The following GPM6A variants were observed in gnomAD, a reference collection of about 807,000 sequenced individuals.
GPM6A encodes glycoprotein M6A.
Under a neutral mutation model 32.1 loss-of-function variants are expected in GPM6A, and 7 were observed. The ratio of observed to expected loss-of-function variants is 0.22; its 90% confidence interval spans 0.12 to 0.41. The LOEUF (loss-of-function observed/expected upper bound fraction) is 0.41. Among genes scored for constraint, GPM6A ranks in the 10% least tolerant of loss-of-function variants. GPM6A has a pLI of 1.00. For missense variants in GPM6A, 235 were observed against 347.2 expected, an observed-to-expected ratio of 0.68 and a Z score of 2.57; for synonymous variants, 130 against 123.4, an observed-to-expected ratio of 1.05 and a Z score of -0.35.
chr4:175,738,614 A>T (rs1187817481), intron 1 of GPM6A, among the ~76,000 whole-genome samples: 2 of 152,142 alleles, frequency 1.3e-5, no homozygotes, highest in Non-Finnish European at 2.9e-5. Flanking sequence ...GGAAAAATAG[A>T]GGGCTCAGAA....
intron 1 of GPM6A, among the ~76,000 whole-genome samples, chr4:175,780,046 C>CA (rs1733555892): frequency 6.9e-6 from 1 of 143,984 alleles, no homozygotes; most frequent in South Asian, 2.2e-4. Flanking sequence ...CATGTGTTAA[C>CA]TTTTTTTTTT....
At position 175,952,712 on chromosome 4, in the gene GPM6A, C is replaced by A. The variant is rs182317512; in HGVS notation, c.-23+49597G>T. Among the ~76,000 whole-genome samples the A allele has an allele frequency of 2.0e-4, 30 of 152,182 alleles. No individual in the cohort carries two copies. The East Asian group carries it at 5.8e-3, about 29-fold the overall frequency. The stretch of plus-strand genomic sequence containing the variant: ...AATAGATAATGAGCCATCCTGTCCA[C>A]CAATGAGTCCAGTCCTGGTGTATTA... On this transcript the variant is annotated intron_variant, in intron 1 of 7. Transcript: ENST00000280187.
At chr4:175,800,844 A>G (rs1734444945) in intron 1 of GPM6A, 2 of 197,708 alleles carry the variant, frequency 1.0e-5, no homozygotes, top group Admixed American at 9.1e-5. Flanking sequence ...TGGCATTCCC[A>G]GCTTGCAGGC....
intron 3 of GPM6A, among the ~76,000 whole-genome samples, chr4:175,665,441 T>C (rs1328834235): frequency 3.9e-5 from 6 of 152,156 alleles, no homozygotes; most frequent in African/African-American, 1.2e-4. Flanking sequence ...ATTTTATTTT[T>C]TCAATTGAAA....
chr4:175,711,638 A>G (rs2111092205), intron 1 of GPM6A, among the ~76,000 whole-genome samples: 1 of 148,342 alleles, frequency 6.7e-6, no homozygotes, highest in South Asian at 2.1e-4. Context: ...GCCAAGTTAA[A>G]AGGGCTCCCC....
chr4:175,659,779 T>C (rs1417095388), intron 3 of GPM6A, among the ~76,000 whole-genome samples: 1 of 152,198 alleles, frequency 6.6e-6, no homozygotes, highest in African/African-American at 2.4e-5. Context: ...TTACTGCTTA[T>C]CTCTAAGGCT....
intron 1 of GPM6A, among the ~76,000 whole-genome samples, chr4:175,905,452 C>T (rs1430709756): frequency 2.6e-5 from 4 of 152,014 alleles, no homozygotes; most frequent in Admixed American, 2.6e-4. Context: ...GACAATTCTT[C>T]TTCTTCCACT....
chr4:175,922,223 C>T lies in GPM6A; in HGVS notation c.-23+80086G>A, dbSNP rs112818394. Among the ~76,000 whole-genome samples the T allele has an allele frequency of 7.2e-3, 1,103 of 152,302 alleles. 5 individuals carry two copies. Among genetic ancestry groups the T allele is most frequent in the Non-Finnish European group, 0.012 (846 of 68,018 alleles). ...TTAGACCCTCAATTCATGTTAGCTTCCTCTCCAAGCTAAAGCAGTGTTTAG... is the reference window on the plus strand; with the variant it reads ...TTAGACCCTCAATTCATGTTAGCTTTCTCTCCAAGCTAAAGCAGTGTTTAG... On this transcript the variant is annotated intron_variant, in intron 1 of 7. Transcript: ENST00000280187.
At chr4:175,815,849 C>T (rs530650410), upstream of GPM6A, among the ~76,000 whole-genome samples, 8 of 151,388 alleles carry the variant, frequency 5.3e-5, no homozygotes, top group Admixed American at 3.3e-4. Context: ...TCCCAAGTAT[C>T]GAGGATTACA....
chr4:175,740,929 G>A (rs1731863798), intron 1 of GPM6A, among the ~76,000 whole-genome samples: 1 of 151,992 alleles, frequency 6.6e-6, no homozygotes, highest in African/African-American at 2.4e-5. Flanking sequence ...AGATCCGGCT[G>A]CTAACTTTAT....
intron 1 of GPM6A, among the ~76,000 whole-genome samples, chr4:175,849,583 G>A (rs760164097): frequency 3.3e-5 from 5 of 151,994 alleles, no homozygotes; most frequent in East Asian, 3.9e-4. Flanking sequence ...ACATGGAAAC[G>A]GTTTCATTGA....
At position 175,868,062 on chromosome 4, in the gene GPM6A, C is replaced by T. The variant is rs540993962; in HGVS notation, c.-22-55813G>A. ...TGAATATTGTGCCTTGTCCCCGTGACTCGGTTTCTCTCGAGCTTTTGGTCC... is the reference window on the plus strand; with the variant it reads ...TGAATATTGTGCCTTGTCCCCGTGATTCGGTTTCTCTCGAGCTTTTGGTCC... On this transcript the variant is annotated intron_variant, in intron 1 of 7. Coordinates refer to the GPM6A transcript ENST00000280187. 9.9e-4 allele frequency among the ~76,000 whole-genome samples: 151 copies of T among 152,298 alleles called. 8 individuals carry two copies. In the South Asian group the frequency reaches 0.031, roughly 31 times the overall value.
chr4:175,973,805 T>C (rs1740576693), intron 1 of GPM6A, among the ~76,000 whole-genome samples: 1 of 152,200 alleles, frequency 6.6e-6, no homozygotes, highest in South Asian at 2.1e-4. Flanking sequence ...GGTACACATC[T>C]GCGCCACCGC....
chr4:175,659,015 T>G (rs1025360748), intron 3 of GPM6A, among the ~76,000 whole-genome samples: 5 of 152,108 alleles, frequency 3.3e-5, no homozygotes, highest in African/African-American at 1.2e-4. Flanking sequence ...TGAAAATATG[T>G]TACCTTAGAT....
intron 1 of GPM6A, among the ~76,000 whole-genome samples, chr4:175,837,301 C>A (rs776611529): frequency 6.6e-6 from 1 of 152,088 alleles, no homozygotes; most frequent in African/African-American, 2.4e-5. Flanking sequence ...TTTAGCCCAG[C>A]GAGACTCCTT....
intron 1 of GPM6A, among the ~76,000 whole-genome samples, chr4:175,826,484 T>C (rs1295769974): frequency 6.6e-6 from 1 of 152,136 alleles, no homozygotes; most frequent in African/African-American, 2.4e-5. Flanking sequence ...GTTGTTAATA[T>C]AGTAGTTTCG....
chr4:175,664,614 G>C (rs571395534), intron 3 of GPM6A, among the ~76,000 whole-genome samples: 1 of 152,048 alleles, frequency 6.6e-6, no homozygotes, highest in African/African-American at 2.4e-5. Context: ...TTTACATGAC[G>C]CATCAGAGTT....
chr4:175,892,396 A>G (rs1028101396), intron 1 of GPM6A, among the ~76,000 whole-genome samples: 27 of 152,074 alleles, frequency 1.8e-4, no homozygotes, highest in Non-Finnish European at 1.8e-4. Context: ...CAAATGTCCA[A>G]TACTGTCTAT....
At chr4:175,747,096 CCT>C (rs1184489559) in intron 1 of GPM6A, among the ~76,000 whole-genome samples, 3 of 151,888 alleles carry the variant, frequency 2.0e-5, no homozygotes, top group African/African-American at 7.3e-5. Context: ...ATGGTGTAAC[CCT>C]GTCTCTACTA....
Sources: allele counts gnomAD v4.1 joint callset (sites outside exome capture counted in the v4.1 genomes callset), GRCh38; gene constraint gnomAD v4.1.1; transcripts MANE v1.5; gene names NCBI Gene and HGNC (gene_info 2026-07-23, HGNC 2026-07-21).